The following BMP5 variants were observed in gnomAD, a reference collection of about 807,000 sequenced individuals.
BMP5 encodes the protein bone morphogenetic protein 5.
BMP5 carries 23 observed loss-of-function variants against 46.6 expected under a neutral mutation model. The ratio of observed to expected loss-of-function variants is 0.49; its 90% CI spans 0.35 to 0.70. The LOEUF (loss-of-function observed/expected upper bound fraction) is 0.70. BMP5 is among the 30% of genes least tolerant of loss of function. The pLI, the probability that BMP5 is intolerant of heterozygous loss-of-function variation, is 0.00. For missense variants in BMP5, 545 were observed against 565.6 expected, an observed-to-expected ratio of 0.96 and a Z score of 0.37; for synonymous variants, 204 against 191.9, an observed-to-expected ratio of 1.06 and a Z score of -0.52.
intron 4 of BMP5, among the ~76,000 whole-genome samples, chr6:55,766,723 C>A (rs138522796): frequency 6.6e-6 from 1 of 152,136 alleles, no homozygotes; most frequent in East Asian, 1.9e-4. Context: ...TCATCACATA[C>A]CCTACTCTTT....
intron 2 of BMP5, among the ~76,000 whole-genome samples, chr6:55,804,503 T>G (rs927888170): frequency 1.3e-5 from 2 of 152,168 alleles, no homozygotes; most frequent in African/African-American, 4.8e-5. Context: ...CCATCATAGT[T>G]TTTAGTCATC....
chr6:55,780,281 T>TGATTA (rs1213878815), intron 3 of BMP5, among the ~76,000 whole-genome samples: 2 of 151,504 alleles, frequency 1.3e-5, no homozygotes, highest in African/African-American at 4.8e-5. Context: ...AGCAGTACCC[T>TGATTA]GACACACTGA....
rs752637340 is a variant in BMP5, at chr6:55,774,233, G to A, written c.843C>T (p.Ile281=). ...LCAETGDGRS[I]NVKSAGLVGR... Reference sequence around the variant, plus strand: ...CCACAAGACCAGCAGATTTTACGTTGATACTGCGTCCTAGAACGTAATACA... The same window carrying A: ...CCACAAGACCAGCAGATTTTACGTTAATACTGCGTCCTAGAACGTAATACA... The change falls in exon 4 of 7, where the codon ATC becomes ATT. Residue 281 remains isoleucine (I), a synonymous_variant. Coordinates refer to ENST00000370830, the MANE Select transcript of BMP5 (RefSeq NM_021073.4). The A allele has an allele frequency of 3.1e-6, 5 of 1,612,592 alleles. No individual in the cohort carries two copies. The highest frequency in any genetic ancestry group is 4.2e-6 in the Non-Finnish European group (5 of 1,179,154).
chr6:55,755,628 A>C lies in BMP5; in HGVS notation c.1270T>G (p.Leu424Val). 6.2e-7 allele frequency: 1 copy of C among 1,612,516 alleles called. No homozygotes were observed. Among genetic ancestry groups the C allele is most frequent in the Non-Finnish European group, 8.5e-7 (1 of 1,178,908 alleles). Residue 424 changes from leucine to valine, a missense_variant, in exon 7 of 7, where the codon TTA (leucine) becomes GTA (valine). Coordinates refer to ENST00000370830, the MANE Select transcript of BMP5 (RefSeq NM_021073.4). Reference protein sequence around the residue: ...VPKPCCAPTKLNAISVLYFDD... With the variant: ...VPKPCCAPTKVNAISVLYFDD... ...AAGTACAGAACAGAGATGGCATTTA[A>C]TTTGGTTGGAGCACAACAAGGCTTT...
At chr6:55,871,168 G>C (rs191321629) in intron 1 of BMP5, among the ~76,000 whole-genome samples, 2 of 151,674 alleles carry the variant, frequency 1.3e-5, no homozygotes, top group African/African-American at 4.8e-5. Flanking sequence ...ACTTGTACTG[G>C]TATTTAATAC....
At chr6:55,774,759 T>C (rs140789165) in intron 3 of BMP5, among the ~76,000 whole-genome samples, 275 of 151,994 alleles carry the variant, frequency 1.8e-3, no homozygotes, top group Non-Finnish European at 3.0e-3. Context: ...CAACCTTTAC[T>C]AAGCTGCACT....
chr6:55,775,890 G>A (rs1775162126), intron 3 of BMP5, among the ~76,000 whole-genome samples: 2 of 151,638 alleles, frequency 1.3e-5, no homozygotes. Flanking sequence ...GACGGACACA[G>A]GGGTTCTTCA....
chr6:55,870,079 A>G (rs1777744077), intron 1 of BMP5, among the ~76,000 whole-genome samples: 1 of 151,982 alleles, frequency 6.6e-6, no homozygotes, highest in South Asian at 2.1e-4. Flanking sequence ...TATTACAGAA[A>G]ATGGAAGAAT....
intron 4 of BMP5, among the ~76,000 whole-genome samples, chr6:55,764,841 CT>C (rs1404648706): frequency 6.6e-6 from 1 of 151,902 alleles, no homozygotes; most frequent in Non-Finnish European, 1.5e-5. Context: ...AAAACTACAG[CT>C]TTTTAAAAAA....
At chr6:55,845,504 T>C (rs946378158) in intron 1 of BMP5, among the ~76,000 whole-genome samples, 2 of 152,024 alleles carry the variant, frequency 1.3e-5, no homozygotes, top group African/African-American at 4.8e-5. Flanking sequence ...ACTGTTAAGG[T>C]GAGTGTCTCC....
At chr6:55,797,762 G>A (rs1484896879) in intron 2 of BMP5, among the ~76,000 whole-genome samples, 3 of 151,650 alleles carry the variant, frequency 2.0e-5, no homozygotes, top group South Asian at 2.1e-4. Context: ...GACTACAGGC[G>A]CCTGCCACCA....
At chr6:55,782,816 G>C (rs574119119) in intron 3 of BMP5, among the ~76,000 whole-genome samples, 2 of 152,176 alleles carry the variant, frequency 1.3e-5, no homozygotes, top group Admixed American at 6.6e-5. Context: ...TTTACCAGTT[G>C]ATTTGTATAC....
At chr6:55,806,107 A>C (rs11941144) in intron 2 of BMP5, among the ~76,000 whole-genome samples, 3 of 151,974 alleles carry the variant, frequency 2.0e-5, no homozygotes, top group Admixed American at 2.0e-4. Flanking sequence ...CTTTTGTTGC[A>C]ATTGCTTTTG....
At chr6:55,820,846 T>C (rs1448233457) in intron 1 of BMP5, among the ~76,000 whole-genome samples, 2 of 152,140 alleles carry the variant, frequency 1.3e-5, no homozygotes, top group Non-Finnish European at 2.9e-5. Context: ...GGGGAACATA[T>C]TTTCCCTCTT....
chr6:55,817,714 A>G (rs1408751029), intron 2 of BMP5, among the ~76,000 whole-genome samples: 1 of 152,106 alleles, frequency 6.6e-6, no homozygotes, highest in Non-Finnish European at 1.5e-5. Flanking sequence ...ACGAACCTGC[A>G]CATTGTGCAT....
chr6:55,838,465 C>T (rs1382497844), intron 1 of BMP5, among the ~76,000 whole-genome samples: 1 of 152,082 alleles, frequency 6.6e-6, no homozygotes, highest in Non-Finnish European at 1.5e-5. Flanking sequence ...CTATCCAAAT[C>T]CTTTGCCTAT....
At chr6:55,829,284 C>T (rs911572966) in intron 1 of BMP5, among the ~76,000 whole-genome samples, 1 of 151,796 alleles carries the variant, frequency 6.6e-6, no homozygotes, top group African/African-American at 2.4e-5. Context: ...CAATCCCTAG[C>T]ACACAGCAGG....
intron 2 of BMP5, among the ~76,000 whole-genome samples, chr6:55,806,473 C>T (rs1049607265): frequency 9.9e-5 from 15 of 152,032 alleles, no homozygotes; most frequent in Non-Finnish European, 2.1e-4. Flanking sequence ...TTAGTGCATC[C>T]TTGATGTATA....
chr6:55,874,878 GC>G lies in BMP5; in HGVS notation c.-14del, dbSNP rs1467129360. ...CAGTCAGATGCATTTTTGTCCAAAA[GC>G]AAAAGTTGATATTTTTAGTCCTTCT... On this transcript the variant is annotated 5_prime_UTR_variant, in exon 1 of 7. Coordinates refer to ENST00000370830, the MANE Select transcript of BMP5 (RefSeq NM_021073.4). 2 of 1,610,178 alleles carry G rather than the reference GC, an allele frequency of 1.2e-6. No individual in the cohort carries two copies. The highest frequency in any genetic ancestry group is 2.2e-5 in the South Asian group (2 of 90,824).
Sources: allele counts gnomAD v4.1 joint callset (sites outside exome capture counted in the v4.1 genomes callset), GRCh38; gene constraint gnomAD v4.1.1; transcripts MANE v1.5; gene names NCBI Gene and HGNC (gene_info 2026-07-23, HGNC 2026-07-21).